CACNA1D: variants seen among roughly 807,000 people sequenced by gnomAD.
CACNA1D encodes the protein voltage-dependent L-type calcium channel subunit alpha-1D.
A neutral mutation model predicts 257.1 loss-of-function variants in CACNA1D; 55 were observed. The observed-to-expected ratio is 0.21, with a 90% CI of 0.17 to 0.27. The LOEUF (loss-of-function observed/expected upper bound fraction) is 0.27. CACNA1D is among the 10% of genes least tolerant of loss of function. The pLI, the probability that CACNA1D is intolerant of heterozygous loss-of-function variation, is 1.00. For synonymous variants in CACNA1D, 980 were observed against 1,014.9 expected, an observed-to-expected ratio of 0.97 and a Z score of 0.65; for missense variants, 1,876 against 2,784.0, an observed-to-expected ratio of 0.67 and a Z score of 7.34.
chr3:53,685,042 C>T (rs2094462952), intron 8 of CACNA1D, among the ~76,000 whole-genome samples: 1 of 151,994 alleles, frequency 6.6e-6, no homozygotes, highest in Non-Finnish European at 1.5e-5. Context: ...CCAGTAATAT[C>T]AATAATTGCA....
At chr3:53,551,465 G>A (rs892196455) in intron 3 of CACNA1D, among the ~76,000 whole-genome samples, 1 of 152,196 alleles carries the variant, frequency 6.6e-6, no homozygotes, top group Non-Finnish European at 1.5e-5. Flanking sequence ...GGTTGCTGCC[G>A]GGTATGACCC....
At chr3:53,643,268 G>GA (rs1191481239) in intron 3 of CACNA1D, among the ~76,000 whole-genome samples, 1 of 151,994 alleles carries the variant, frequency 6.6e-6, no homozygotes, top group East Asian at 1.9e-4. Flanking sequence ...ACCTGCAGGG[G>GA]AAAAAATGAC....
At chr3:53,765,218 C>T (rs2095325752) in intron 30 of CACNA1D, among the ~76,000 whole-genome samples, 1 of 152,206 alleles carries the variant, frequency 6.6e-6, no homozygotes, top group South Asian at 2.1e-4. Flanking sequence ...CACTCCCCTC[C>T]ACATGTAGTT....
intron 3 of CACNA1D, among the ~76,000 whole-genome samples, chr3:53,583,817 T>A (rs1431343710): frequency 2.2e-5 from 3 of 135,534 alleles, no homozygotes; most frequent in Admixed American, 7.3e-5. Context: ...TTGTTTTCCC[T>A]TGTGACATGG....
chr3:53,762,451 C>T (rs1272378766), intron 30 of CACNA1D: 4 of 429,920 alleles, frequency 9.3e-6, no homozygotes, highest in African/African-American at 6.1e-5. Context: ...CGCCGTGTGG[C>T]GCGATGCTAG....
In CACNA1D at chr3:53,747,364, G is replaced by T; in HGVS notation, c.3230G>T (p.Trp1077Leu). The change falls in exon 26 of 48, where the codon TGG becomes TTG. Residue 1077 changes from tryptophan to leucine, a missense_variant. Trp to Leu is a moderately conservative substitution (Grantham distance 61). Coordinates refer to ENST00000350061, the MANE Select transcript of CACNA1D (RefSeq NM_001128840.3). ...AGTCCTGTGGTCCGTGAACGGATCTGGCAAAACAGTGATTTCAACTTCGAC... is the reference window on the plus strand; with the variant it reads ...AGTCCTGTGGTCCGTGAACGGATCTTGCAAAACAGTGATTTCAACTTCGAC... ...VDSPVVRERI[W>L]QNSDFNFDNV... The T allele has an allele frequency of 6.2e-7, 1 of 1,613,876 alleles. No homozygotes were observed. The highest frequency in any genetic ancestry group is 1.3e-5 in the African/African-American group (1 of 75,044).
At chr3:53,682,954 G>C (rs539310039) in intron 8 of CACNA1D, among the ~76,000 whole-genome samples, 7 of 152,272 alleles carry the variant, frequency 4.6e-5, no homozygotes, top group African/African-American at 1.7e-4. Context: ...GGTAAACTCC[G>C]CAGTTGTCCT....
rs376937357 is a variant in CACNA1D at position 53,559,953 on chromosome 3, C to T, written c.483+58233C>T. 7.3e-5 allele frequency among the ~76,000 whole-genome samples: 11 copies of T among 149,692 alleles called. No homozygotes were observed. The South Asian group carries it at 1.5e-3, about 20-fold the overall frequency. On this transcript the variant is annotated intron_variant, in intron 3 of 47. Coordinates refer to ENST00000350061, the MANE Select transcript of CACNA1D (RefSeq NM_001128840.3). ...TTCTCAGAGTTTTAGGTACCTGCTC[C>T]GCCTGTGCTGCTGCTTCTTGGTACT...
rs778326491 is a variant in CACNA1D, at chr3:53,776,060, C to T, written c.4362+15C>T. ...GTGCATTTCTGGTAAGTGAGCAACA[C>T]AGCTCCCCCTCTCAATTTACAGATG... is the stretch of plus-strand genomic sequence containing the variant. On this transcript the variant is annotated intron_variant, in intron 35 of 47. Transcript: ENST00000350061. 2.5e-6 allele frequency: 4 copies of T among 1,610,400 alleles called. No homozygotes were observed. Among genetic ancestry groups the T allele is most frequent in the East Asian group, 2.2e-5 (1 of 44,880 alleles).
At position 53,494,881 on chromosome 3, in the gene CACNA1D, A is replaced by G. The variant is rs901449530; in HGVS notation, c.-286A>G. 6.4e-6 allele frequency: 2 copies of G among 313,464 alleles called. No homozygotes were observed. The highest frequency in any genetic ancestry group is 6.3e-5 in the East Asian group (1 of 15,794). The allele number at this position is 313,464 out of a possible 1,614,324, so 19.4% of individuals were successfully genotyped here. A position where few individuals can be genotyped will look rare whatever the true frequency, so the allele number is the denominator to read the frequency against. On this transcript the variant is annotated 5_prime_UTR_variant, in exon 1 of 48. Coordinates refer to ENST00000350061, the MANE Select transcript of CACNA1D (RefSeq NM_001128840.3). ...TCCTTTGCAGCAAAAAATTACATGTATATATTATTAAGATAATATATACAT... is the reference window on the plus strand; with the variant it reads ...TCCTTTGCAGCAAAAAATTACATGTGTATATTATTAAGATAATATATACAT...
At chr3:53,563,040 TTTTTG>T (rs1402177516) in intron 3 of CACNA1D, among the ~76,000 whole-genome samples, 1 of 152,206 alleles carries the variant, frequency 6.6e-6, no homozygotes, top group Non-Finnish European at 1.5e-5. Flanking sequence ...GGAAATAATC[TTTTTG>T]TTTTGTTTTG....
At chr3:53,506,298 C>A (rs1159971677) in intron 3 of CACNA1D, among the ~76,000 whole-genome samples, 2 of 152,194 alleles carry the variant, frequency 1.3e-5, no homozygotes, top group Admixed American at 1.3e-4. Context: ...CCTCTGGACA[C>A]CCCTGTGCCC....
At chr3:53,659,415 G>C (rs1353263255) in intron 4 of CACNA1D, among the ~76,000 whole-genome samples, 1 of 152,202 alleles carries the variant, frequency 6.6e-6, no homozygotes, top group Non-Finnish European at 1.5e-5. Context: ...GGGTGTGTGT[G>C]TTAGTGACTA....
chr3:53,543,167 G>A (rs1488536071), intron 3 of CACNA1D, among the ~76,000 whole-genome samples: 1 of 147,174 alleles, frequency 6.8e-6, no homozygotes, highest in East Asian at 2.0e-4. Flanking sequence ...GAAGTCAATC[G>A]GTACCATAAG....
At chr3:53,549,591 A>G (rs2092486173) in intron 3 of CACNA1D, among the ~76,000 whole-genome samples, 1 of 152,246 alleles carries the variant, frequency 6.6e-6, no homozygotes, top group Non-Finnish European at 1.5e-5. Flanking sequence ...GTTCAGAGAC[A>G]CAGTCTTTAG....
At chr3:53,696,981 T>C (rs190786906) in intron 8 of CACNA1D, among the ~76,000 whole-genome samples, 1 of 152,224 alleles carries the variant, frequency 6.6e-6, no homozygotes, top group Admixed American at 6.5e-5. Context: ...TCTGATGAAA[T>C]GCTCTGGCCG....
At chr3:53,564,834 A>G (rs944097684) in intron 3 of CACNA1D, among the ~76,000 whole-genome samples, 11 of 152,226 alleles carry the variant, frequency 7.2e-5, no homozygotes, top group Admixed American at 2.0e-4. Flanking sequence ...TAGAGCCAGG[A>G]CTTGAACCAA....
At chr3:53,708,443 G>A (rs1438113895) in intron 9 of CACNA1D, among the ~76,000 whole-genome samples, 2 of 152,228 alleles carry the variant, frequency 1.3e-5, no homozygotes, top group Admixed American at 6.5e-5. Flanking sequence ...TGGCCCTAGG[G>A]TCAGTGGCTG....
intron 3 of CACNA1D, among the ~76,000 whole-genome samples, chr3:53,586,512 T>C (rs912508821): frequency 3.9e-5 from 6 of 152,184 alleles, no homozygotes; most frequent in African/African-American, 1.4e-4. Context: ...CAAAGCCAAA[T>C]TAATCTACTT....
Sources: gnomAD v4.1 joint callset for allele counts (sites outside exome capture counted in the v4.1 genomes callset) on GRCh38, gnomAD v4.1.1 for gene constraint, MANE v1.5 for transcripts, NCBI Gene and HGNC (gene_info 2026-07-23, HGNC 2026-07-21) for gene names.